Variants in SLC35F3 observed in about 807,000 individuals in gnomAD.
SLC35F3 encodes putative thiamine transporter SLC35F3.
Under a neutral mutation model 49.9 loss-of-function variants are expected in SLC35F3, and 25 were observed. That is an observed-to-expected ratio of 0.50 (90% CI 0.37 to 0.70). The LOEUF is 0.70. Ranked by LOEUF, SLC35F3 falls within the 30% of genes least tolerant of loss-of-function variation. SLC35F3 has a pLI of 0.00. For synonymous variants in SLC35F3, 275 were observed against 265.4 expected (o/e 1.04, Z -0.35); for missense variants, 525 against 639.8 (o/e 0.82, Z 1.94).
chr1:233,905,163 C>T (rs1294240120), intron 1 of SLC35F3, 33 bp downstream of exon 1: 2 of 1,549,560 alleles, frequency 1.3e-6, no homozygotes, highest in Non-Finnish European at 8.7e-7. Flanking sequence ...GTGAGCGAGC[C>T]GGCGGGCGGG....
At chr1:234,253,772 G>A (rs1031003882) in intron 3 of SLC35F3, among the ~76,000 whole-genome samples, 1 of 152,218 alleles carries the variant, frequency 6.6e-6, no homozygotes, top group African/African-American at 2.4e-5. Context: ...AAGGCTGAAT[G>A]CCAAATAAGG....
chr1:234,237,732 C>T (rs899575239), intron 3 of SLC35F3, among the ~76,000 whole-genome samples: 1 of 152,206 alleles, frequency 6.6e-6, no homozygotes, highest in African/African-American at 2.4e-5. Flanking sequence ...TTTCCAGCAC[C>T]TTCTCTGTCT....
At chr1:233,924,779 A>C (rs1390333061) in intron 2 of SLC35F3, among the ~76,000 whole-genome samples, 3 of 152,136 alleles carry the variant, frequency 2.0e-5, no homozygotes, top group Non-Finnish European at 2.9e-5. Flanking sequence ...TAGTGCTATA[A>C]ATTTCCCTCT....
chr1:234,006,568 T>C (rs1663634266), intron 2 of SLC35F3, among the ~76,000 whole-genome samples: 1 of 152,210 alleles, frequency 6.6e-6, no homozygotes, highest in Non-Finnish European at 1.5e-5. Flanking sequence ...GATACTAAAG[T>C]ATATGGTGTG....
chr1:234,115,145 T>C (rs868350196), intron 2 of SLC35F3, among the ~76,000 whole-genome samples: 9 of 152,214 alleles, frequency 5.9e-5, no homozygotes, highest in Admixed American at 1.3e-4. Flanking sequence ...GGTAGGTTTC[T>C]GCCCCAGTAA....
chr1:234,282,456 G>T (rs1296020591), intron 3 of SLC35F3, among the ~76,000 whole-genome samples: 1 of 152,204 alleles, frequency 6.6e-6, no homozygotes, highest in Non-Finnish European at 1.5e-5. Context: ...CCAGAGCAGG[G>T]CCTTCCCTTG....
intron 2 of SLC35F3, among the ~76,000 whole-genome samples, chr1:234,105,515 T>C (rs891243113): frequency 2.6e-5 from 4 of 152,148 alleles, no homozygotes; most frequent in Non-Finnish European, 5.9e-5. Flanking sequence ...GTATTCACCA[T>C]TGCATATTGG....
At chr1:234,174,184 C>G (rs1276503707) in intron 2 of SLC35F3, among the ~76,000 whole-genome samples, 1 of 152,232 alleles carries the variant, frequency 6.6e-6, no homozygotes, top group Non-Finnish European at 1.5e-5. Context: ...CATGGCAACT[C>G]TGTGCCAAAG....
intron 3 of SLC35F3, among the ~76,000 whole-genome samples, chr1:234,257,655 A>G (rs1300815189): frequency 6.6e-6 from 1 of 152,260 alleles, no homozygotes; most frequent in Admixed American, 6.5e-5. Context: ...TTGCTTTTCT[A>G]TACAACTTCG....
At chr1:234,268,103 C>A (rs919723240) in intron 3 of SLC35F3, among the ~76,000 whole-genome samples, 1 of 151,912 alleles carries the variant, frequency 6.6e-6, no homozygotes, top group Non-Finnish European at 1.5e-5. Context: ...CCAAGGCAGG[C>A]GGCTGGGAGG....
chr1:234,035,343 T>C (rs112333605), intron 2 of SLC35F3, among the ~76,000 whole-genome samples: 1,906 of 152,278 alleles, frequency 0.013, 34 homozygotes, highest in African/African-American at 0.042. Context: ...AAAATTGTTA[T>C]TGAGAAGTCG....
At chr1:234,291,943 G>GGATCAAGA (rs1267413537) in intron 3 of SLC35F3, among the ~76,000 whole-genome samples, 1 of 152,174 alleles carries the variant, frequency 6.6e-6, no homozygotes, top group Non-Finnish European at 1.5e-5. Context: ...GAGAGTAACG[G>GGATCAAGA]GATCAAGAGG....
chr1:234,290,421 A>G (rs1558099809), intron 3 of SLC35F3, among the ~76,000 whole-genome samples: 2 of 152,252 alleles, frequency 1.3e-5, no homozygotes, highest in Non-Finnish European at 2.9e-5. Context: ...TGTAAGTCTC[A>G]TATACTCCAG....
chr1:234,020,969 G>A (rs561423901), intron 2 of SLC35F3, among the ~76,000 whole-genome samples: 1 of 152,222 alleles, frequency 6.6e-6, no homozygotes, highest in Non-Finnish European at 1.5e-5. Context: ...ATGCACAGCT[G>A]GTTCTCAGAA....
chr1:233,999,977 C>A (rs1336158536), intron 2 of SLC35F3, among the ~76,000 whole-genome samples: 1 of 152,098 alleles, frequency 6.6e-6, no homozygotes, highest in African/African-American at 2.4e-5. Flanking sequence ...ATGAGAATGA[C>A]CCCTGAACTC....
intron 2 of SLC35F3, among the ~76,000 whole-genome samples, chr1:234,047,932 T>C (rs1664318396): frequency 6.6e-6 from 1 of 152,094 alleles, no homozygotes; most frequent in Admixed American, 6.5e-5. Flanking sequence ...TGAATAATCA[T>C]GAACAGAATG....
At chr1:234,098,956 G>T (rs969827413) in intron 2 of SLC35F3, among the ~76,000 whole-genome samples, 1 of 151,988 alleles carries the variant, frequency 6.6e-6, no homozygotes, top group Non-Finnish European at 1.5e-5. Flanking sequence ...GGTGTTATAG[G>T]GTGATGATGG....
chr1:233,921,475 G>A (rs940421402), intron 2 of SLC35F3, among the ~76,000 whole-genome samples: 1 of 151,990 alleles, frequency 6.6e-6, no homozygotes, highest in East Asian at 1.9e-4. Flanking sequence ...ATCTAATGAC[G>A]TTTATTCACC....
intron 2 of SLC35F3, among the ~76,000 whole-genome samples, chr1:234,211,639 C>T (rs1026013658): frequency 6.6e-5 from 10 of 152,226 alleles, no homozygotes; most frequent in Non-Finnish European, 1.5e-4. Context: ...CAGTTCCTCC[C>T]ATTTTGAACA....
Sources: gnomAD v4.1 joint callset for allele counts (sites outside exome capture counted in the v4.1 genomes callset) on GRCh38, gnomAD v4.1.1 for gene constraint, MANE v1.5 for transcripts, NCBI Gene and HGNC (gene_info 2026-07-23, HGNC 2026-07-21) for gene names.